The following FHIP1A variants were observed in gnomAD, a reference collection of about 807,000 sequenced individuals.
FHIP1A encodes FHF complex subunit HOOK-interacting protein 1A.
In FHIP1A, 61 loss-of-function variants were observed where a neutral mutation model predicts 88.6. That is an observed-to-expected ratio of 0.69 (90% confidence interval 0.56 to 0.85). The LOEUF is 0.85. FHIP1A is among the 40% of genes least tolerant of loss of function. The pLI, the probability that FHIP1A is intolerant of heterozygous loss-of-function variation, is 0.00. For missense variants in FHIP1A, 1,154 were observed against 1,273.5 expected (o/e 0.91, Z 1.43); for synonymous variants, 478 against 496.0 (o/e 0.96, Z 0.48).
chr4:151,460,837 G>A (rs1310523465), intron 2 of FHIP1A, among the ~76,000 whole-genome samples: 5 of 152,178 alleles, frequency 3.3e-5, no homozygotes, highest in Non-Finnish European at 5.9e-5. Context: ...AAGAGATGAA[G>A]GATTTTAAGG....
rs149974271 is a variant in FHIP1A, at chr4:151,614,288, A to G, written c.979-15414A>G. Among the ~76,000 whole-genome samples the G allele has an allele frequency of 6.1e-3, 931 of 151,830 alleles. 13 individuals are homozygous for G. The highest frequency in any genetic ancestry group is 0.021 in the African/African-American group (868 of 41,382). The stretch of plus-strand genomic sequence containing the variant: ...GTTTAAGACCATCCTGGGCAACATG[A>G]TGAAACCCTGTCTCTACAAAAGATA... On this transcript the variant is annotated intron_variant, in intron 7 of 13. Transcript: ENST00000435205.
chr4:151,559,686 G>A (rs756156317), intron 3 of FHIP1A, among the ~76,000 whole-genome samples: 1 of 152,136 alleles, frequency 6.6e-6, no homozygotes, highest in African/African-American at 2.4e-5. Flanking sequence ...TGATGGATAT[G>A]TAGGGTCTTT....
intron 3 of FHIP1A, among the ~76,000 whole-genome samples, chr4:151,496,946 G>C (rs1161686626): frequency 6.6e-6 from 1 of 151,524 alleles, no homozygotes. Context: ...TAAACCAAAA[G>C]AAACATATAA....
intron 8 of FHIP1A, among the ~76,000 whole-genome samples, chr4:151,634,208 C>A (rs1430127491): frequency 6.6e-6 from 1 of 151,610 alleles, no homozygotes; most frequent in Non-Finnish European, 1.5e-5. Flanking sequence ...ATAAACTTAA[C>A]TGAGGAGGTG....
chr4:151,504,274 C>A (rs1560735407), intron 3 of FHIP1A, among the ~76,000 whole-genome samples: 1 of 152,152 alleles, frequency 6.6e-6, no homozygotes, highest in Non-Finnish European at 1.5e-5. Flanking sequence ...TGATCATTTC[C>A]ACACTGAGAT....
rs201571469 is a variant in FHIP1A, at chr4:151,472,302, AT to A, written c.-247-10212del. On this transcript the variant is annotated intron_variant, in intron 2 of 13. Coordinates refer to ENST00000435205, the MANE Select transcript of FHIP1A (RefSeq NM_001109977.3). ...GCTTTTAACGTGTATTCAGACCATG[AT>A]TTTTTTTTTGTACTTTAAAAAATTT... 4.1e-4 allele frequency among the ~76,000 whole-genome samples: 62 copies of A among 150,154 alleles called. 1 individual carries two copies. The East Asian group carries it at 9.7e-3, about 24-fold the overall frequency.
chr4:151,462,525 C>A (rs1729175704), intron 2 of FHIP1A, among the ~76,000 whole-genome samples: 1 of 152,120 alleles, frequency 6.6e-6, no homozygotes, highest in African/African-American at 2.4e-5. Flanking sequence ...TAGTATGTTA[C>A]ATAACTCAAA....
At chr4:151,422,771 A>G (rs1391704742) in intron 1 of FHIP1A, among the ~76,000 whole-genome samples, 1 of 152,142 alleles carries the variant, frequency 6.6e-6, no homozygotes, top group Non-Finnish European at 1.5e-5. Flanking sequence ...CAGGAGCTCC[A>G]TGTAGACCTG....
chr4:151,544,420 C>T (rs1732408665), intron 3 of FHIP1A, among the ~76,000 whole-genome samples: 1 of 152,160 alleles, frequency 6.6e-6, no homozygotes, highest in South Asian at 2.1e-4. Flanking sequence ...ATGTTTTCAA[C>T]ACTTTGGGTC....
chr4:151,423,943 A>G (rs1733268617), intron 1 of FHIP1A, among the ~76,000 whole-genome samples: 1 of 152,236 alleles, frequency 6.6e-6, no homozygotes, highest in African/African-American at 2.4e-5. Context: ...GTCACAAATT[A>G]TATAAATCTA....
chr4:151,474,064 C>T (rs866563419), intron 2 of FHIP1A, among the ~76,000 whole-genome samples: 3 of 152,134 alleles, frequency 2.0e-5, no homozygotes, highest in Non-Finnish European at 4.4e-5. Context: ...AATTTTACTG[C>T]TTTCCATTTA....
intron 3 of FHIP1A, among the ~76,000 whole-genome samples, chr4:151,501,573 G>A (rs1241735937): frequency 1.3e-5 from 2 of 149,846 alleles, no homozygotes; most frequent in South Asian, 4.3e-4. Context: ...TTTGTTTTCT[G>A]TTTTCTTTAA....
At chr4:151,550,155 T>C (rs1156754590) in intron 3 of FHIP1A, among the ~76,000 whole-genome samples, 1 of 152,138 alleles carries the variant, frequency 6.6e-6, no homozygotes, top group Non-Finnish European at 1.5e-5. Context: ...ATGAGCTGTT[T>C]TGTTACAGGC....
intron 1 of FHIP1A, among the ~76,000 whole-genome samples, chr4:151,453,141 C>A (rs112509366): frequency 6.6e-6 from 1 of 151,734 alleles, no homozygotes; most frequent in African/African-American, 2.4e-5. Context: ...CTCAGCCTCC[C>A]GAGTAGCTGG....
intron 3 of FHIP1A, among the ~76,000 whole-genome samples, chr4:151,486,630 A>AT (rs1344124659): frequency 1.3e-5 from 2 of 152,066 alleles, no homozygotes; most frequent in Non-Finnish European, 2.9e-5. Flanking sequence ...AGTTTGGATT[A>AT]TTTTTTGCTG....
chr4:151,539,747 C>G (rs1732208798), intron 3 of FHIP1A, among the ~76,000 whole-genome samples: 1 of 152,056 alleles, frequency 6.6e-6, no homozygotes, highest in Non-Finnish European at 1.5e-5. Flanking sequence ...CATTTCCTCC[C>G]ACTGCTGAGT....
At chr4:151,544,067 C>T (rs1732396837) in intron 3 of FHIP1A, among the ~76,000 whole-genome samples, 2 of 152,148 alleles carry the variant, frequency 1.3e-5, no homozygotes, top group South Asian at 4.1e-4. Context: ...GCACATGGTA[C>T]TCCCTGAGTA....
chr4:151,497,693 GAC>G (rs1730513538), intron 3 of FHIP1A, among the ~76,000 whole-genome samples: 1 of 152,174 alleles, frequency 6.6e-6, no homozygotes, highest in Admixed American at 6.5e-5. Flanking sequence ...AGATGCTGCT[GAC>G]CATGCACAGA....
chr4:151,526,619 C>G, intron 3 of FHIP1A, among the ~76,000 whole-genome samples: 1 of 146,052 alleles, frequency 6.8e-6, no homozygotes, highest in African/African-American at 2.5e-5. Flanking sequence ...GGGGCTGATC[C>G]CCCCACCTCC....
Sources: allele counts gnomAD v4.1 joint callset (sites outside exome capture counted in the v4.1 genomes callset), GRCh38; gene constraint gnomAD v4.1.1; transcripts MANE v1.5; gene names NCBI Gene and HGNC (gene_info 2026-07-23, HGNC 2026-07-21).